The following BPIFC variants were observed in gnomAD, a reference collection of about 807,000 sequenced individuals.
The protein encoded by BPIFC is BPI fold-containing family C protein.
BPIFC carries 60 observed loss-of-function variants against 57.6 expected under a neutral mutation model. The ratio of observed to expected loss-of-function variants is 1.04; its 90% CI spans 0.85 to 1.29. BPIFC has a LOEUF of 1.29. BPIFC is among the 50% of genes most tolerant of loss of function. The pLI, the probability that BPIFC is intolerant of heterozygous loss-of-function variation, is 0.00. For synonymous variants in BPIFC, 243 were observed against 224.5 expected, an observed-to-expected ratio of 1.08 and a Z score of -0.74; for missense variants, 581 against 600.5, an observed-to-expected ratio of 0.97 and a Z score of 0.34.
chr22:32,432,647 G>T, intron 11 of BPIFC, 104 bp from the exon 12 acceptor site: 1 of 1,099,172 alleles, frequency 9.1e-7, no homozygotes, highest in Non-Finnish European at 1.3e-6. Flanking sequence ...ACATTGTGCA[G>T]TTAGAATAGA....
chr22:32,415,867 A>G (rs373924654), intron 16 of BPIFC, 48 bp downstream of exon 16: 1 of 1,338,170 alleles, frequency 7.5e-7, no homozygotes, highest in Non-Finnish European at 1.0e-6. Flanking sequence ...GGCTTAGTCT[A>G]CTATAAAAAG....
intron 11 of BPIFC, among the ~76,000 whole-genome samples, chr22:32,432,841 G>A (rs755551135): frequency 4.6e-5 from 7 of 152,156 alleles, no homozygotes; most frequent in Admixed American, 6.5e-5. Context: ...AGTGGAGAAC[G>A]TGAGTCTTAC....
chr22:32,443,577 A>G (rs1376430506), intron 7 of BPIFC, among the ~76,000 whole-genome samples: 3 of 152,130 alleles, frequency 2.0e-5, no homozygotes, highest in African/African-American at 7.2e-5. Flanking sequence ...ATTAGTCTTG[A>G]GTCACATTAA....
intron 3 of BPIFC, 131 bp from the exon 4 acceptor site, chr22:32,453,634 A>T: frequency 1.7e-6 from 2 of 1,172,726 alleles, no homozygotes; most frequent in African/African-American, 1.6e-5. Context: ...AACCCCACAA[A>T]GTGGGTATTA....
At chr22:32,443,047 C>T (rs1304628966) in intron 7 of BPIFC, among the ~76,000 whole-genome samples, 3 of 152,182 alleles carry the variant, frequency 2.0e-5, no homozygotes, top group African/African-American at 7.2e-5. Context: ...GCTGTTATAC[C>T]CGAGGAACCT....
intron 15 of BPIFC, 43 bp downstream of exon 15, chr22:32,417,042 T>A: frequency 6.8e-7 from 1 of 1,470,034 alleles, no homozygotes; most frequent in Non-Finnish European, 9.5e-7. Flanking sequence ...ATGTTAAATG[T>A]TAGCCGATGT....
In BPIFC at chr22:32,414,086, C is replaced by G. The variant is rs749913521; in HGVS notation, c.*217G>C. 1 of 391,790 alleles carries G rather than the reference C, an allele frequency of 2.6e-6. No homozygotes were observed. Among genetic ancestry groups the G allele is most frequent in the Non-Finnish European group, 4.5e-6 (1 of 222,362 alleles). 24.3% of individuals were successfully genotyped at this position (391,790 alleles called of 1,614,324 possible). ...ACAAACAAACATAAACACAGACACA[C>G]GCAGCATGCATACACTCACATTCAG... is the stretch of plus-strand genomic sequence containing the variant. On this transcript the variant is annotated 3_prime_UTR_variant, in exon 17 of 17. Coordinates refer to ENST00000300399, the MANE Select transcript of BPIFC (RefSeq NM_174932.3).
At chr22:32,449,797 T>G (rs1024570097) in intron 4 of BPIFC, among the ~76,000 whole-genome samples, 3 of 151,646 alleles carry the variant, frequency 2.0e-5, no homozygotes, top group African/African-American at 7.3e-5. Context: ...TGCAGTGGCA[T>G]GATCTCGGCT....
At chr22:32,427,700 C>T (rs1934107053) in intron 13 of BPIFC, among the ~76,000 whole-genome samples, 1 of 152,102 alleles carries the variant, frequency 6.6e-6, no homozygotes, top group Non-Finnish European at 1.5e-5. Flanking sequence ...GGCTTTCATC[C>T]TCTGTATTAG....
At position 32,443,915 on chromosome 22, in the gene BPIFC, C is replaced by T. The variant is rs558051120; in HGVS notation, c.595-1184G>A. Among the ~76,000 whole-genome samples, 53 of 152,226 alleles carry T rather than the reference C, an allele frequency of 3.5e-4. 1 individual carries two copies. The South Asian group carries it at 6.4e-3, about 18-fold the overall frequency. ...CTACAGCCTTGAGAGGGAGGCATGA[C>T]GGTCCCCTAATTACAGATGGGAAAA... On this transcript the variant is annotated intron_variant, in intron 7 of 16. Coordinates refer to ENST00000300399, the MANE Select transcript of BPIFC (RefSeq NM_174932.3).
intron 1 of BPIFC, among the ~76,000 whole-genome samples, chr22:32,462,175 A>G (rs1343486182): frequency 5.4e-5 from 8 of 148,128 alleles, no homozygotes; most frequent in Non-Finnish European, 1.0e-4. Context: ...TCTCAAAAAA[A>G]AAAAAAAAAA....
chr22:32,424,603 C>CTTCTTCTTCTTCTTCTTCTTCTTCTTCTT (rs1556036435), intron 13 of BPIFC, among the ~76,000 whole-genome samples: 3 of 39,010 alleles, frequency 7.7e-5, no homozygotes, highest in South Asian at 6.3e-4. Flanking sequence ...TTCTTCTTCT[C>CTTCTTCTTCTTCTTCTTCTTCTTCTTCTT]CTCCTCCTCC....
rs1934004717 is a variant in BPIFC at position 32,424,753 on chromosome 22, C to CTTCT, written c.1218-5350_1218-5349insAGAA. Among the ~76,000 whole-genome samples, 41 of 35,466 alleles carry CTTCT rather than the reference C, an allele frequency of 1.2e-3. 1 individual carries two copies. The highest frequency in any genetic ancestry group is 1.6e-3 in the Non-Finnish European group (32 of 20,274). 23.3% of individuals were successfully genotyped at this position (35,466 alleles called of 152,430 possible). A position where few individuals can be genotyped will look rare whatever the true frequency, so the allele number is the denominator to read the frequency against. ...CCTCTTCTTCTTCCTCTTCTTCTTC[C>CTTCT]TCTTCTTCTTCTTCTTCTTCTTCTT... On this transcript the variant is annotated intron_variant, in intron 13 of 16. Coordinates refer to ENST00000300399, the MANE Select transcript of BPIFC (RefSeq NM_174932.3).
At chr22:32,428,537 G>A (rs1424791103) in intron 13 of BPIFC, among the ~76,000 whole-genome samples, 2 of 152,116 alleles carry the variant, frequency 1.3e-5, no homozygotes, top group East Asian at 1.9e-4. Flanking sequence ...TGGTAAATGC[G>A]AGTAAACCTT....
At chr22:32,442,543 C>A in intron 8 of BPIFC, 128 bp downstream of exon 8, 1 of 891,654 alleles carries the variant, frequency 1.1e-6, no homozygotes, top group Non-Finnish European at 1.8e-6. Flanking sequence ...CTTCCCGGGG[C>A]TCTAATTTGC....
chr22:32,458,103 C>T (rs1935083507), intron 2 of BPIFC, among the ~76,000 whole-genome samples: 4 of 152,134 alleles, frequency 2.6e-5, no homozygotes, highest in Admixed American at 1.3e-4. Flanking sequence ...CCCCTTCTTA[C>T]TCAGTGTAAA....
intron 13 of BPIFC, among the ~76,000 whole-genome samples, chr22:32,419,673 A>G (rs141574376): frequency 0.018 from 2,792 of 151,984 alleles, 33 homozygotes; most frequent in African/African-American, 0.033. Flanking sequence ...AGGCATGGTG[A>G]CATGTGCCTG....
chr22:32,453,942 CA>C (rs34168726), intron 3 of BPIFC, among the ~76,000 whole-genome samples: 39,581 of 145,968 alleles, frequency 0.27, 5,689 homozygotes, highest in East Asian at 0.57. Flanking sequence ...ACAACAACAA[CA>C]AAAAAAAAAA....
chr22:32,463,624 A>G (rs1303018114), intron 1 of BPIFC, among the ~76,000 whole-genome samples: 1 of 152,210 alleles, frequency 6.6e-6, no homozygotes, highest in East Asian at 1.9e-4. Flanking sequence ...AGCCTTCAAA[A>G]CAGAGGCGCA....
Sources: gnomAD v4.1 joint callset for allele counts (sites outside exome capture counted in the v4.1 genomes callset) on GRCh38, gnomAD v4.1.1 for gene constraint, MANE v1.5 for transcripts, NCBI Gene and HGNC (gene_info 2026-07-23, HGNC 2026-07-21) for gene names.